LHX4: variants seen among roughly 807,000 people sequenced by gnomAD.
LHX4 encodes the protein LIM/homeobox protein Lhx4.
Under a neutral mutation model 39.2 loss-of-function variants are expected in LHX4, and 16 were observed. The observed-to-expected ratio is 0.41, with a 90% CI of 0.28 to 0.62. LHX4 has a LOEUF of 0.62. LHX4 is among the 20% of genes least tolerant of loss of function. The pLI is 0.33. For synonymous variants in LHX4, 206 were observed against 198.1 expected, an observed-to-expected ratio of 1.04 and a Z score of -0.33; for missense variants, 439 against 511.9, an observed-to-expected ratio of 0.86 and a Z score of 1.37.
At chr1:180,257,158 C>T (rs561907222) in intron 2 of LHX4, among the ~76,000 whole-genome samples, 12 of 152,262 alleles carry the variant, frequency 7.9e-5, no homozygotes, top group South Asian at 6.2e-4. Context: ...GTTGGGCTCT[C>T]GTCCACTTCC....
Position 180,266,572 on chromosome 1 carries a change from C to T in LHX4, c.429C>T (p.Asp143=). The change falls in exon 3 of 6, where the codon GAC becomes GAT. Residue 143 remains aspartate, a synonymous_variant. Transcript: ENST00000263726. The surrounding 1 kb of genome is among the most constrained non-coding windows in gnomAD (Gnocchi z 5.7). ...ACGGGCGGCTGGTGTGCAAGGAAGACTACGAGACAGCCAAGCAGAACGGTA... is the reference window on the plus strand; with the variant it reads ...ACGGGCGGCTGGTGTGCAAGGAAGATTACGAGACAGCCAAGCAGAACGGTA... ...MEDGRLVCKE[D]YETAKQNDDS... 3 of 1,614,104 alleles carry T rather than the reference C, an allele frequency of 1.9e-6. No homozygotes were observed. The highest frequency in any genetic ancestry group is 2.5e-6 in the Non-Finnish European group (3 of 1,179,998).
intron 2 of LHX4, among the ~76,000 whole-genome samples, chr1:180,264,378 AACACACACACACACACACAC>A (rs10561933): frequency 1.4e-5 from 2 of 145,302 alleles, no homozygotes; most frequent in Non-Finnish European, 3.0e-5. Context: ...ACACACACAT[AACACACACACACACACACAC>A]ACACACACAC....
chr1:180,249,695 A>G (rs1176845489), intron 2 of LHX4, among the ~76,000 whole-genome samples: 3 of 152,256 alleles, frequency 2.0e-5, no homozygotes, highest in African/African-American at 7.2e-5. Flanking sequence ...AGGTTTCACT[A>G]TGGAGAATAA....
At position 180,232,651 on chromosome 1, in the gene LHX4, G is replaced by C. The variant is rs1377635117; in HGVS notation, c.76+2046G>C. ...GCCAAAATTGAGGGGCCCACTCCCT[G>C]AAGACTTCTGGATCCAGCTTTTATT... On this transcript the variant is annotated intron_variant, in intron 1 of 5. Coordinates refer to ENST00000263726, the MANE Select transcript of LHX4 (RefSeq NM_033343.4). This position sits in a 1 kb window ranked among gnomAD's most constrained non-coding sequence, Gnocchi z 5.4. Among the ~76,000 whole-genome samples, 1 of 152,226 alleles carries C rather than the reference G, an allele frequency of 6.6e-6. No homozygotes were observed. The highest frequency in any genetic ancestry group is 1.5e-5 in the Non-Finnish European group (1 of 68,036).
At chr1:180,270,210 C>T (rs1648557951) in intron 3 of LHX4, 1 of 152,216 alleles carries the variant, frequency 6.6e-6, no homozygotes, top group Non-Finnish European at 1.5e-5. Flanking sequence ...CATATAAAGT[C>T]CTTAGTCAAC....
At chr1:180,271,725 G>A in intron 4 of LHX4, 110 bp from the exon 5 acceptor site, 2 of 1,355,778 alleles carry the variant, frequency 1.5e-6, no homozygotes, top group Non-Finnish European at 2.1e-6. Context: ...TCCCAGACCT[G>A]TGCTCCATTC....
chr1:180,243,446 G>A (rs2149254931), intron 1 of LHX4, among the ~76,000 whole-genome samples: 1 of 152,224 alleles, frequency 6.6e-6, no homozygotes, highest in South Asian at 2.1e-4. Flanking sequence ...GTCCTGTTTA[G>A]CCTTTCTAAA....
At chr1:180,229,406 CG>C (rs1303123271), upstream of LHX4, among the ~76,000 whole-genome samples, 1 of 152,110 alleles carries the variant, frequency 6.6e-6, no homozygotes, top group Non-Finnish European at 1.5e-5. Flanking sequence ...CTGCAGGCCG[CG>C]GTCTGCGGGG....
chr1:180,258,522 G>A (rs904491601), intron 2 of LHX4, among the ~76,000 whole-genome samples: 1 of 152,230 alleles, frequency 6.6e-6, no homozygotes, highest in African/African-American at 2.4e-5. Flanking sequence ...ATGTGCAGAA[G>A]TGCCTGTAGG....
Position 180,249,144 on chromosome 1 carries a change from G to A in LHX4, c.248+688G>A, listed in dbSNP as rs192889556. On this transcript the variant is annotated intron_variant, in intron 2 of 5. Transcript: ENST00000263726. ...GTTTATCTGTAAAATGGGGCTCACA[G>A]TAGTAGTCCCTACCTCATGAGGTTT... Among the ~76,000 whole-genome samples, 290 of 152,332 alleles carry A rather than the reference G, an allele frequency of 1.9e-3. 1 individual carries two copies. The highest frequency in any genetic ancestry group is 6.6e-3 in the African/African-American group (275 of 41,572).
At position 180,256,239 on chromosome 1, in the gene LHX4, G is replaced by A. The variant is rs374807916; in HGVS notation, c.248+7783G>A. Reference sequence around the variant, plus strand: ...GTCTGGCTCTTCCCTCCGCCCATCTGGTCACGTTGTCCCCATTGCATCCTG... The same window carrying A: ...GTCTGGCTCTTCCCTCCGCCCATCTAGTCACGTTGTCCCCATTGCATCCTG... On this transcript the variant is annotated intron_variant, in intron 2 of 5. Coordinates refer to ENST00000263726, the MANE Select transcript of LHX4 (RefSeq NM_033343.4). Among the ~76,000 whole-genome samples, 5 of 152,198 alleles carry A rather than the reference G, an allele frequency of 3.3e-5. No individual in the cohort carries two copies. In the South Asian group the frequency reaches 1.0e-3, roughly 32 times the overall value.
intron 1 of LHX4, among the ~76,000 whole-genome samples, chr1:180,236,706 G>A (rs1222212512): frequency 6.6e-6 from 1 of 152,062 alleles, no homozygotes; most frequent in East Asian, 1.9e-4. Flanking sequence ...CGGATAAAGG[G>A]ACCTTGTGCC....
intron 1 of LHX4, among the ~76,000 whole-genome samples, chr1:180,236,010 A>G (rs1289167628): frequency 3.3e-5 from 5 of 152,226 alleles, no homozygotes; most frequent in Non-Finnish European, 7.3e-5. Flanking sequence ...AGGAAGTTGA[A>G]GGAAGGACGA....
chr1:180,271,620 G>A (rs1243256087), intron 4 of LHX4, 86 bp downstream of exon 4: 3 of 1,532,434 alleles, frequency 2.0e-6, no homozygotes, highest in Admixed American at 1.7e-5. Context: ...CAGCTCACGG[G>A]TGGTTGGGCT....
In LHX4 at chr1:180,230,846, G is replaced by T. The variant is rs890646260; in HGVS notation, c.76+241G>T. Among the ~76,000 whole-genome samples, 2 of 152,200 alleles carry T rather than the reference G, an allele frequency of 1.3e-5. No homozygotes were observed. The highest frequency in any genetic ancestry group is 4.8e-5 in the African/African-American group (2 of 41,456). Reference sequence around the variant, plus strand: ...TGAGGCGAGCCGAGTACCGAACCCCGCATCTCCAGCCCAAGGCTTTTCTTG... The same window carrying T: ...TGAGGCGAGCCGAGTACCGAACCCCTCATCTCCAGCCCAAGGCTTTTCTTG... On this transcript the variant is annotated intron_variant, in intron 1 of 5. Coordinates refer to ENST00000263726, the MANE Select transcript of LHX4 (RefSeq NM_033343.4). This position sits in a 1 kb window ranked among gnomAD's most constrained non-coding sequence, Gnocchi z 5.8.
chr1:180,231,554 T>TCGCGCGCG (rs3041737), intron 1 of LHX4, among the ~76,000 whole-genome samples: 8 of 132,666 alleles, frequency 6.0e-5, no homozygotes, highest in Admixed American at 1.5e-4. Context: ...TGCCCAGTCG[T>TCGCGCGCG]CGCGCGCGCG....
chr1:180,255,921 G>T (rs1029280269), intron 2 of LHX4, among the ~76,000 whole-genome samples: 4 of 152,216 alleles, frequency 2.6e-5, no homozygotes, highest in East Asian at 1.9e-4. Flanking sequence ...GTGGAAACGG[G>T]GTCCCCAGTG....
Position 180,278,099 on chromosome 1 carries a change from C to T in LHX4, c.*3520C>T, listed in dbSNP as rs538695571. 3.9e-5 allele frequency: 6 copies of T among 152,314 alleles called. 1 individual carries two copies. The South Asian group carries it at 1.0e-3, about 26-fold the overall frequency. 9.4% of individuals were successfully genotyped at this position (152,314 alleles called of 1,614,324 possible). A position where few individuals can be genotyped will look rare whatever the true frequency, so the allele number is the denominator to read the frequency against. ...GTTGTATGACAGTCCACTCTCTGCACCTACACTTCCACGTGCCACGACTGA... is the reference window on the plus strand; with the variant it reads ...GTTGTATGACAGTCCACTCTCTGCATCTACACTTCCACGTGCCACGACTGA... On this transcript the variant is annotated 3_prime_UTR_variant, in exon 6 of 6. Coordinates refer to ENST00000263726, the MANE Select transcript of LHX4 (RefSeq NM_033343.4).
chr1:180,243,831 C>T (rs1253474174), intron 1 of LHX4, among the ~76,000 whole-genome samples: 3 of 152,158 alleles, frequency 2.0e-5, no homozygotes, highest in Admixed American at 1.3e-4. Context: ...GTCTTATAAT[C>T]CCTTGTTGCT....
Sources: gnomAD v4.1 joint callset for allele counts (sites outside exome capture counted in the v4.1 genomes callset) on GRCh38, gnomAD v4.1.1 for gene constraint, Gnocchi (gnomAD v3.1) non-coding constraint, MANE v1.5 for transcripts, NCBI Gene and HGNC (gene_info 2026-07-23, HGNC 2026-07-21) for gene names.